The following ZFHX3 variants were observed in gnomAD, a reference collection of about 807,000 sequenced individuals.
The protein encoded by ZFHX3 is zinc finger homeobox 3, also known as zinc finger homeobox protein 3.
Under a neutral mutation model 279.1 loss-of-function variants are expected in ZFHX3, and 42 were observed. That is an observed-to-expected ratio of 0.15 (90% CI 0.12 to 0.19). The LOEUF (loss-of-function observed/expected upper bound fraction) is 0.19. Among genes scored for constraint, ZFHX3 ranks in the 10% least tolerant of loss-of-function variants. The pLI, the probability that ZFHX3 is intolerant of heterozygous loss-of-function variation, is 1.00. For synonymous variants in ZFHX3, 2,293 were observed against 1,957.8 expected (o/e 1.17, Z -4.52); for missense variants, 4,981 against 4,754.0 (o/e 1.05, Z -1.40).
intron 1 of ZFHX3, among the ~76,000 whole-genome samples, chr16:73,755,300 T>A (rs2053798458): frequency 6.6e-6 from 1 of 152,080 alleles, no homozygotes; most frequent in Non-Finnish European, 1.5e-5. Flanking sequence ...ACGACATATA[T>A]AAACCTGAAT....
chr16:72,933,660 C>G (rs1959944553), intron 3 of ZFHX3, among the ~76,000 whole-genome samples: 1 of 152,112 alleles, frequency 6.6e-6, no homozygotes, highest in Non-Finnish European at 1.5e-5. Flanking sequence ...CCAGCATGCA[C>G]AGCCTCAACT....
In ZFHX3 at chr16:73,386,492, T is replaced by C. The variant is rs114446324; in HGVS notation, c.-1290-68156A>G. On this transcript the variant is annotated intron_variant, in intron 3 of 17. Coordinates refer to the ZFHX3 transcript ENST00000641206. ...ATATAGTGGTTACGTGTAAGACTAT[T>C]ATCAAACCATAAAAATAATATTACG... 4.4e-3 allele frequency among the ~76,000 whole-genome samples: 664 copies of C among 152,346 alleles called. 6 individuals are homozygous for C. The highest frequency in any genetic ancestry group is 0.016 in the African/African-American group (645 of 41,574).
At chr16:72,996,458 C>G (rs965821797) in intron 1 of ZFHX3, among the ~76,000 whole-genome samples, 18 of 152,202 alleles carry the variant, frequency 1.2e-4, no homozygotes, top group African/African-American at 4.3e-4. Context: ...CACCAAGCAG[C>G]CAAGAAGCTG....
intron 1 of ZFHX3, among the ~76,000 whole-genome samples, chr16:73,698,716 G>A (rs541403691): frequency 1.6e-3 from 241 of 152,222 alleles, no homozygotes; most frequent in Non-Finnish European, 2.5e-3. Flanking sequence ...AACTGTCAAG[G>A]TCATGGAAGT....
chr16:73,241,070 C>A (rs1020845217), intron 5 of ZFHX3, among the ~76,000 whole-genome samples: 1 of 152,168 alleles, frequency 6.6e-6, no homozygotes, highest in Non-Finnish European at 1.5e-5. Context: ...CCAGGAGAGG[C>A]AAAGACTAGG....
At chr16:73,188,965 G>C (rs919580786) in intron 5 of ZFHX3, among the ~76,000 whole-genome samples, 2 of 151,688 alleles carry the variant, frequency 1.3e-5, no homozygotes, top group African/African-American at 4.8e-5. Context: ...CTGGGTTCAA[G>C]CGATTCTCCT....
intron 2 of ZFHX3, among the ~76,000 whole-genome samples, chr16:73,635,166 AG>A (rs2052516258): frequency 6.6e-6 from 1 of 152,160 alleles, no homozygotes; most frequent in Non-Finnish European, 1.5e-5. Context: ...ATCTTGTCAA[AG>A]TTTCTTCACT....
At chr16:72,963,861 T>C (rs1387842219) in intron 1 of ZFHX3, among the ~76,000 whole-genome samples, 1 of 152,128 alleles carries the variant, frequency 6.6e-6, no homozygotes, top group African/African-American at 2.4e-5. Flanking sequence ...ACATGAACAG[T>C]CGCACTGTGT....
intron 2 of ZFHX3, among the ~76,000 whole-genome samples, chr16:73,622,726 C>G (rs1004663248): frequency 2.0e-5 from 3 of 152,158 alleles, no homozygotes; most frequent in African/African-American, 7.2e-5. Flanking sequence ...TATCGCCCCC[C>G]CAACCTACAG....
At chr16:73,701,201 T>G (rs2053242909) in intron 1 of ZFHX3, among the ~76,000 whole-genome samples, 1 of 152,228 alleles carries the variant, frequency 6.6e-6, no homozygotes, top group Non-Finnish European at 1.5e-5. Flanking sequence ...AACAAAGTCA[T>G]CTGTTATTTG....
chr16:73,540,005 C>A (rs1451423755), intron 2 of ZFHX3, among the ~76,000 whole-genome samples: 1 of 152,220 alleles, frequency 6.6e-6, no homozygotes, highest in Non-Finnish European at 1.5e-5. Context: ...AGAGGTCTGT[C>A]TTCCAAATAT....
At chr16:73,047,522 G>A (rs1415713723) in intron 1 of ZFHX3, among the ~76,000 whole-genome samples, 2 of 152,160 alleles carry the variant, frequency 1.3e-5, no homozygotes, top group South Asian at 2.1e-4. Flanking sequence ...AGGAGGGAGG[G>A]GAGGACAGAG....
chr16:73,171,571 G>A (rs1384877660), intron 5 of ZFHX3, among the ~76,000 whole-genome samples: 4 of 152,154 alleles, frequency 2.6e-5, no homozygotes. Context: ...GGGAATCTGT[G>A]TTCCTGCAGC....
At chr16:73,128,639 A>T (rs1028659915) in intron 7 of ZFHX3, among the ~76,000 whole-genome samples, 2 of 152,182 alleles carry the variant, frequency 1.3e-5, no homozygotes, top group Non-Finnish European at 2.9e-5. Context: ...CTCTATATGG[A>T]AGGAGAAGAA....
At chr16:73,735,678 C>G (rs988473837) in intron 1 of ZFHX3, among the ~76,000 whole-genome samples, 4 of 152,150 alleles carry the variant, frequency 2.6e-5, no homozygotes, top group African/African-American at 9.7e-5. Context: ...GAAAAGGCGC[C>G]TTTCTCCCAA....
chr16:72,979,133 G>C (rs1294505599), intron 1 of ZFHX3, among the ~76,000 whole-genome samples: 1 of 152,182 alleles, frequency 6.6e-6, no homozygotes, highest in African/African-American at 2.4e-5. Flanking sequence ...CATGTGATGG[G>C]CTACTTTACT....
chr16:73,507,048 G>A (rs866107156), intron 2 of ZFHX3, among the ~76,000 whole-genome samples: 52 of 152,216 alleles, frequency 3.4e-4, no homozygotes, highest in Middle Eastern at 6.8e-3. Flanking sequence ...CTTTGTCTCT[G>A]GGTTCTCCTG....
intron 2 of ZFHX3, chr16:73,679,793 C>T (rs897876667): frequency 8.5e-5 from 13 of 152,156 alleles, no homozygotes; most frequent in African/African-American, 3.1e-4. Context: ...ACATTAAGCA[C>T]TGAAATTATC....
chr16:73,227,626 A>T (rs1420466027), intron 5 of ZFHX3, among the ~76,000 whole-genome samples: 1 of 152,040 alleles, frequency 6.6e-6, no homozygotes, highest in Non-Finnish European at 1.5e-5. Flanking sequence ...AGGCAGGTGG[A>T]TTGATTGAGC....
Sources: gnomAD v4.1 joint callset for allele counts (sites outside exome capture counted in the v4.1 genomes callset) on GRCh38, gnomAD v4.1.1 for gene constraint, MANE v1.5 for transcripts, NCBI Gene and HGNC (gene_info 2026-07-23, HGNC 2026-07-21) for gene names.